The following SRGAP3 variants were observed in gnomAD, a reference collection of about 807,000 sequenced individuals.
SRGAP3 encodes SLIT-ROBO Rho GTPase-activating protein 3.
A neutral mutation model predicts 121.1 loss-of-function variants in SRGAP3; 39 were observed. The observed-to-expected ratio is 0.32, with a 90% CI of 0.25 to 0.42. The LOEUF (loss-of-function observed/expected upper bound fraction) is 0.42. Ranked by LOEUF, SRGAP3 falls within the 10% of genes least tolerant of loss-of-function variation. The probability of loss-of-function intolerance (pLI) is 1.00; values close to 1 mark genes in which losing one functional copy is unlikely to be tolerated. For synonymous variants in SRGAP3, 601 were observed against 570.0 expected, an observed-to-expected ratio of 1.05 and a Z score of -0.77; for missense variants, 1,213 against 1,470.6, an observed-to-expected ratio of 0.82 and a Z score of 2.86.
At position 9,159,309 on chromosome 3, in the gene SRGAP3, G is replaced by A. The variant is rs150652772; in HGVS notation, c.68-34392C>T. On this transcript the variant is annotated intron_variant, in intron 1 of 21. Coordinates refer to ENST00000383836, the MANE Select transcript of SRGAP3 (RefSeq NM_014850.4). ...CTCTCGCTTTTCACATCTGCTGACT[G>A]TCCTGACGGGACCTGCCTTCTGGGG... 9.7e-3 allele frequency among the ~76,000 whole-genome samples: 1,470 copies of A among 152,146 alleles called. 27 individuals carry two copies. Among genetic ancestry groups the A allele is most frequent in the African/African-American group, 0.033 (1,383 of 41,470 alleles).
chr3:9,222,066 C>T (rs1952832994), intron 1 of SRGAP3, among the ~76,000 whole-genome samples: 1 of 152,200 alleles, frequency 6.6e-6, no homozygotes, highest in African/African-American at 2.4e-5. Flanking sequence ...TCCCATCCCA[C>T]TGGCCACAGT....
chr3:9,022,851 A>G (rs1285739656), intron 14 of SRGAP3, among the ~76,000 whole-genome samples: 1 of 152,214 alleles, frequency 6.6e-6, no homozygotes, highest in Non-Finnish European at 1.5e-5. Context: ...GAAAAAGGAA[A>G]AAATATTTTT....
At chr3:9,281,282 C>T (rs991844680) in intron 3 of SRGAP3, among the ~76,000 whole-genome samples, 4 of 152,186 alleles carry the variant, frequency 2.6e-5, no homozygotes, top group African/African-American at 7.2e-5. Flanking sequence ...GTGCAATATG[C>T]TCTGCATACA....
At chr3:9,233,274 G>C (rs188681946) in intron 1 of SRGAP3, among the ~76,000 whole-genome samples, 2 of 152,300 alleles carry the variant, frequency 1.3e-5, no homozygotes, top group African/African-American at 2.4e-5. Context: ...GATTCACCAT[G>C]AGCCGTGATT....
intron 1 of SRGAP3, among the ~76,000 whole-genome samples, chr3:9,179,530 A>G (rs1008232432): frequency 1.3e-5 from 2 of 152,082 alleles, no homozygotes; most frequent in Non-Finnish European, 2.9e-5. Flanking sequence ...GCCATCACCA[A>G]TGGATGCCTG....
At chr3:9,163,544 C>A (rs544896304) in intron 1 of SRGAP3, among the ~76,000 whole-genome samples, 1 of 152,130 alleles carries the variant, frequency 6.6e-6, no homozygotes, top group Admixed American at 6.5e-5. Context: ...TTAAGCCATG[C>A]GGCCACTCAG....
intron 1 of SRGAP3, among the ~76,000 whole-genome samples, chr3:9,157,206 C>T (rs718451): frequency 0.4 from 60,044 of 151,956 alleles, 12,727 homozygotes; most frequent in Non-Finnish European, 0.49. Context: ...CTTATAATCA[C>T]GGCAGAAGGG....
chr3:9,272,533 C>T (rs1017565124), intron 3 of SRGAP3, among the ~76,000 whole-genome samples: 9 of 152,196 alleles, frequency 5.9e-5, no homozygotes, highest in African/African-American at 2.2e-4. Context: ...GCTTATTTCA[C>T]TCAGCACAAT....
rs953493468 is a variant in SRGAP3, at chr3:9,079,938, C to G, written c.486+87G>C. 8 of 1,482,110 alleles carry G rather than the reference C, an allele frequency of 5.4e-6. No individual in the cohort carries two copies. In the Admixed American group the frequency reaches 1.1e-4, roughly 20 times the overall value. 91.8% of individuals were successfully genotyped at this position (1,482,110 alleles called of 1,614,324 possible). ...GCAGCAAAAAAGGCCTGGGGTCATT[C>G]CAGACCTCTGTTTTGCTTCCCTCCA... On this transcript the variant is annotated intron_variant, in intron 4 of 21. Transcript: ENST00000383836.
intron 1 of SRGAP3, among the ~76,000 whole-genome samples, chr3:9,342,444 CAT>C (rs1199231947): frequency 6.6e-6 from 1 of 152,164 alleles, no homozygotes; most frequent in Non-Finnish European, 1.5e-5. Flanking sequence ...TGGTACTCTA[CAT>C]ACATGGCTGC....
upstream of SRGAP3, among the ~76,000 whole-genome samples, chr3:9,252,125 G>A (rs1954031578): frequency 6.6e-6 from 1 of 152,138 alleles, no homozygotes; most frequent in African/African-American, 2.4e-5. Flanking sequence ...GGGTTCACAA[G>A]AGATCTGGTT....
rs749467815 is a variant in SRGAP3, at chr3:8,985,782, G to C, written c.3037C>G (p.Leu1013Val). The C allele has an allele frequency of 1.9e-6, 3 of 1,600,144 alleles. No homozygotes were observed. Among genetic ancestry groups the C allele is most frequent in the Non-Finnish European group, 2.5e-6 (3 of 1,179,858 alleles). Residue 1013 changes from leucine to valine, a missense_variant, in exon 22 of 22, where the codon CTT (leucine) becomes GTT (valine). By Grantham distance (32) the Leu-to-Val change is conservative (BLOSUM62 1). Coordinates refer to ENST00000383836, the MANE Select transcript of SRGAP3 (RefSeq NM_014850.4). The surrounding 1 kb of genome is among the most constrained non-coding windows in gnomAD (Gnocchi z 5.1). ...GPVSSEPASP[L>V]HTIVIRDPDA... ...GGGTCGCGGATGACGATGGTGTGAA[G>C]GGGACTGGCGGGCTCCGAGCTGACG...
In SRGAP3 at chr3:9,173,825, C is replaced by G. The variant is rs1191462360; in HGVS notation, c.68-48908G>C. ...CCCATCACGGGACATATTGCAGTCT[C>G]TTAGTAAACATCTATTGGTGTTTGC... On this transcript the variant is annotated intron_variant, in intron 1 of 21. Transcript: ENST00000383836. Among the ~76,000 whole-genome samples, 18 of 152,196 alleles carry G rather than the reference C, an allele frequency of 1.2e-4. 1 individual carries two copies.
At chr3:9,142,549 C>T (rs779752702) in intron 1 of SRGAP3, among the ~76,000 whole-genome samples, 5 of 152,200 alleles carry the variant, frequency 3.3e-5, no homozygotes, top group Admixed American at 6.5e-5. Context: ...TGTCTTGGGT[C>T]CTGTTACCAA....
chr3:9,123,335 T>C (rs1949085854), intron 2 of SRGAP3, among the ~76,000 whole-genome samples: 2 of 151,972 alleles, frequency 1.3e-5, no homozygotes, highest in Non-Finnish European at 2.9e-5. Context: ...ATGAAAATGG[T>C]AAATTTTATA....
intron 14 of SRGAP3, among the ~76,000 whole-genome samples, chr3:9,024,438 A>C (rs1944084952): frequency 6.6e-6 from 1 of 152,224 alleles, no homozygotes; most frequent in South Asian, 2.1e-4. Context: ...TTTCCATTTC[A>C]GTGCAGCAGT....
chr3:9,292,133 C>T (rs1486997499), intron 3 of SRGAP3, among the ~76,000 whole-genome samples: 1 of 152,168 alleles, frequency 6.6e-6, no homozygotes, highest in African/African-American at 2.4e-5. Flanking sequence ...CTGTTGCATT[C>T]GCATCTCAGA....
intron 1 of SRGAP3, among the ~76,000 whole-genome samples, chr3:9,221,202 G>T (rs947345678): frequency 3.3e-5 from 5 of 152,182 alleles, no homozygotes; most frequent in African/African-American, 7.2e-5. Context: ...CTTCAGCAAA[G>T]CTTCCTGCTT....
chr3:9,160,611 C>A (rs1440795703), intron 1 of SRGAP3, among the ~76,000 whole-genome samples: 2 of 152,222 alleles, frequency 1.3e-5, no homozygotes, highest in Non-Finnish European at 2.9e-5. Context: ...AACCATCCAA[C>A]TAAGCCATTC....
Sources: gnomAD v4.1 joint callset for allele counts (sites outside exome capture counted in the v4.1 genomes callset) on GRCh38, gnomAD v4.1.1 for gene constraint, Gnocchi (gnomAD v3.1) non-coding constraint, MANE v1.5 for transcripts, NCBI Gene and HGNC (gene_info 2026-07-23, HGNC 2026-07-21) for gene names.